IMMP2L: variants seen among roughly 807,000 people sequenced by gnomAD.
IMMP2L encodes mitochondrial inner membrane protease subunit 2.
IMMP2L carries 18 observed loss-of-function variants against 19.3 expected under a neutral mutation model. The observed-to-expected ratio is 0.93, with a 90% confidence interval of 0.64 to 1.38. The LOEUF is 1.38. IMMP2L is among the 40% of genes most tolerant of loss of function. The pLI, the probability that IMMP2L is intolerant of heterozygous loss-of-function variation, is 0.00. For missense variants in IMMP2L, 233 were observed against 218.2 expected, an observed-to-expected ratio of 1.07 and a Z score of -0.43; for synonymous variants, 76 against 73.0, an observed-to-expected ratio of 1.04 and a Z score of -0.21.
At chr7:110,805,988 C>G (rs538347942) in intron 5 of IMMP2L, among the ~76,000 whole-genome samples, 1 of 152,000 alleles carries the variant, frequency 6.6e-6, no homozygotes, top group South Asian at 2.1e-4. Context: ...TAGACCAACC[C>G]TTGCTAAAGT....
At chr7:110,697,651 T>C (rs889755817) in intron 5 of IMMP2L, among the ~76,000 whole-genome samples, 5 of 152,018 alleles carry the variant, frequency 3.3e-5, no homozygotes, top group African/African-American at 1.2e-4. Flanking sequence ...AAAAATTAGC[T>C]GGCTGTGGTG....
rs12666986 is a variant in IMMP2L at position 111,031,281 on chromosome 7, T to A, written c.240-67716A>T. On this transcript the variant is annotated intron_variant, in intron 3 of 5. Transcript: ENST00000405709. ...TAACATCACTCCCCAATAAAAGGCATCCATGCTCCTTGAGAAAAGGGATGC... is the reference window on the plus strand; with the variant it reads ...TAACATCACTCCCCAATAAAAGGCAACCATGCTCCTTGAGAAAAGGGATGC... Among the ~76,000 whole-genome samples the A allele has an allele frequency of 1.0e-3, 155 of 151,864 alleles. 1 individual carries two copies. The highest frequency in any genetic ancestry group is 3.5e-3 in the African/African-American group (146 of 41,380).
At chr7:111,534,044 A>C (rs1457627242) in intron 1 of IMMP2L, among the ~76,000 whole-genome samples, 1 of 152,116 alleles carries the variant, frequency 6.6e-6, no homozygotes, top group Non-Finnish European at 1.5e-5. Flanking sequence ...AAAAAGATGT[A>C]CAAACACACT....
At chr7:111,259,209 G>A (rs1398195532) in intron 3 of IMMP2L, among the ~76,000 whole-genome samples, 2 of 152,122 alleles carry the variant, frequency 1.3e-5, no homozygotes, top group East Asian at 3.9e-4. Context: ...TTACAGGCCT[G>A]GAAGTTGCTC....
intron 3 of IMMP2L, among the ~76,000 whole-genome samples, chr7:111,020,483 C>T (rs1043494476): frequency 2.0e-5 from 3 of 152,026 alleles, no homozygotes; most frequent in Admixed American, 6.6e-5. Context: ...AGTTGTTGGC[C>T]GGGCAGGGTG....
At chr7:110,782,187 T>A (rs1245968950) in intron 5 of IMMP2L, among the ~76,000 whole-genome samples, 1 of 151,882 alleles carries the variant, frequency 6.6e-6, no homozygotes, top group Admixed American at 6.6e-5. Context: ...AAAGAGAGAT[T>A]CTGAGATATC....
chr7:110,672,185 G>A (rs1791967022), intron 5 of IMMP2L, among the ~76,000 whole-genome samples: 1 of 152,064 alleles, frequency 6.6e-6, no homozygotes, highest in South Asian at 2.1e-4. Context: ...AGAAGGGGAA[G>A]CAAACATGTC....
At chr7:111,477,153 C>T (rs1841794001) in intron 3 of IMMP2L, among the ~76,000 whole-genome samples, 1 of 152,120 alleles carries the variant, frequency 6.6e-6, no homozygotes, top group Non-Finnish European at 1.5e-5. Context: ...AAATAAATAA[C>T]TTTGCATTCC....
At chr7:111,440,012 A>G (rs1378715099) in intron 3 of IMMP2L, among the ~76,000 whole-genome samples, 2 of 151,856 alleles carry the variant, frequency 1.3e-5, no homozygotes, top group Admixed American at 6.6e-5. Flanking sequence ...TCCGTTCAAG[A>G]TTTATCACAA....
intron 3 of IMMP2L, among the ~76,000 whole-genome samples, chr7:111,477,646 C>G (rs776027795): frequency 8.6e-5 from 13 of 152,042 alleles, no homozygotes; most frequent in Non-Finnish European, 1.5e-4. Flanking sequence ...TGCCTGTAAT[C>G]TCAGCACTAT....
chr7:111,289,435 C>G (rs1279261275), intron 3 of IMMP2L, among the ~76,000 whole-genome samples: 1 of 151,094 alleles, frequency 6.6e-6, no homozygotes, highest in African/African-American at 2.4e-5. Context: ...AAAAAAAAGC[C>G]TGGAAAGACA....
At chr7:111,360,911 C>T (rs1434628171) in intron 3 of IMMP2L, among the ~76,000 whole-genome samples, 1 of 151,840 alleles carries the variant, frequency 6.6e-6, no homozygotes, top group Non-Finnish European at 1.5e-5. Context: ...ATAAAACTGT[C>T]GTATTTATGT....
At chr7:110,755,211 T>C (rs1201903047) in intron 5 of IMMP2L, among the ~76,000 whole-genome samples, 4 of 152,086 alleles carry the variant, frequency 2.6e-5, no homozygotes, top group Non-Finnish European at 1.5e-5. Flanking sequence ...TGTTTGTATA[T>C]ATTCATTTAG....
At chr7:111,024,975 C>A (rs1456515967) in intron 3 of IMMP2L, among the ~76,000 whole-genome samples, 1 of 152,138 alleles carries the variant, frequency 6.6e-6, no homozygotes, top group Admixed American at 6.6e-5. Context: ...AGAAAAACTT[C>A]TGAAATTTTG....
chr7:111,550,598 T>C (rs1849359947), intron 1 of IMMP2L, among the ~76,000 whole-genome samples: 1 of 152,048 alleles, frequency 6.6e-6, no homozygotes, highest in Non-Finnish European at 1.5e-5. Flanking sequence ...AATTTTACTG[T>C]GAACCAAAAG....
At chr7:110,952,287 C>A (rs1458151165) in intron 4 of IMMP2L, among the ~76,000 whole-genome samples, 1 of 152,098 alleles carries the variant, frequency 6.6e-6, no homozygotes, top group Non-Finnish European at 1.5e-5. Context: ...GGCTAATTAA[C>A]CCATTTATGC....
intron 3 of IMMP2L, among the ~76,000 whole-genome samples, chr7:111,305,477 T>G (rs895784884): frequency 2.6e-5 from 4 of 151,094 alleles, no homozygotes; most frequent in Non-Finnish European, 4.4e-5. Context: ...TAATGGCAAA[T>G]TAATAAATTA....
chr7:111,209,161 G>T (rs191866445), intron 3 of IMMP2L, among the ~76,000 whole-genome samples: 1 of 152,274 alleles, frequency 6.6e-6, no homozygotes, highest in East Asian at 1.9e-4. Flanking sequence ...GGAGGCTGAG[G>T]CGGGTGGATC....
chr7:111,274,808 A>G (rs1379053531), intron 3 of IMMP2L, among the ~76,000 whole-genome samples: 1 of 152,230 alleles, frequency 6.6e-6, no homozygotes, highest in Non-Finnish European at 1.5e-5. Flanking sequence ...GGCAACACAG[A>G]TAGAATAGTT....
Sources: gnomAD v4.1 joint callset for allele counts (sites outside exome capture counted in the v4.1 genomes callset) on GRCh38, gnomAD v4.1.1 for gene constraint, MANE v1.5 for transcripts, NCBI Gene and HGNC (gene_info 2026-07-23, HGNC 2026-07-21) for gene names.